Variants in MALRD1 observed in about 807,000 individuals in gnomAD.
MALRD1 encodes the protein MAM and LDL-receptor class A domain-containing protein 1.
Under a neutral mutation model 242.1 loss-of-function variants are expected in MALRD1, and 247 were observed. The observed-to-expected ratio is 1.02, with a 90% confidence interval of 0.92 to 1.13. The LOEUF is 1.13. Among genes scored for constraint, MALRD1 ranks in the 50% most tolerant of loss-of-function variants. MALRD1 has a pLI of 0.00. For synonymous variants in MALRD1, 995 were observed against 866.6 expected (o/e 1.15, Z -2.60); for missense variants, 2,989 against 2,533.1 (o/e 1.18, Z -3.86).
At chr10:19,404,596 G>A (rs748442618) in intron 28 of MALRD1, among the ~76,000 whole-genome samples, 24 of 152,006 alleles carry the variant, frequency 1.6e-4, no homozygotes, top group Non-Finnish European at 2.8e-4. Context: ...CCAGATCATT[G>A]AGTAGGAAAA....
In MALRD1 at chr10:19,280,031, A is replaced by G. The variant is rs746550966; in HGVS notation, c.3080-16A>G. ...AAAACCTGCTAAATGATGCCTGTAT[A>G]TTATTTCTTATCAAGGTAATTTGCC... On this transcript the variant is annotated splice_polypyrimidine_tract_variant and intron_variant, in intron 19 of 39. Coordinates refer to ENST00000454679, the MANE Select transcript of MALRD1 (RefSeq NM_001142308.3). The G allele has an allele frequency of 4.7e-6, 7 of 1,477,338 alleles. No homozygotes were observed. The highest frequency in any genetic ancestry group is 4.2e-5 in the South Asian group (3 of 71,426). The allele number at this position is 1,477,338 out of a possible 1,614,324, so 91.5% of individuals were successfully genotyped here.
chr10:19,672,428 T>TTA (rs1158776758), intron 36 of MALRD1, among the ~76,000 whole-genome samples: 1 of 150,170 alleles, frequency 6.7e-6, no homozygotes, highest in African/African-American at 2.5e-5. Context: ...TTTTTTTTTT[T>TTA]TGTATTTTGT....
intron 29 of MALRD1, among the ~76,000 whole-genome samples, chr10:19,473,906 C>A (rs529572539): frequency 2.2e-4 from 33 of 152,096 alleles, no homozygotes; most frequent in Non-Finnish European, 4.7e-4. Flanking sequence ...ACATTCTTTT[C>A]CATAGCAGCT....
intron 24 of MALRD1, among the ~76,000 whole-genome samples, chr10:19,332,232 A>C (rs1843409376): frequency 6.7e-6 from 1 of 150,358 alleles, no homozygotes; most frequent in Non-Finnish European, 1.5e-5. Context: ...CAATTCATGC[A>C]GGACTGGTGA....
chr10:19,237,017 T>A (rs1419877924), intron 18 of MALRD1, among the ~76,000 whole-genome samples: 3 of 152,066 alleles, frequency 2.0e-5, no homozygotes, highest in East Asian at 3.9e-4. Context: ...TTTCACATTG[T>A]AATTATATAG....
intron 36 of MALRD1, among the ~76,000 whole-genome samples, chr10:19,686,114 A>G (rs183835233): frequency 6.4e-4 from 98 of 152,312 alleles, no homozygotes; most frequent in African/African-American, 2.3e-3. Flanking sequence ...GACAGAGGAA[A>G]GACACAGGCA....
At chr10:19,407,125 G>T (rs1340919873) in intron 28 of MALRD1, among the ~76,000 whole-genome samples, 2 of 151,966 alleles carry the variant, frequency 1.3e-5, no homozygotes, top group East Asian at 1.9e-4. Context: ...CAAATCCCAA[G>T]ATTTAAGCCT....
chr10:19,665,344 G>C (rs750217704), intron 36 of MALRD1, among the ~76,000 whole-genome samples: 1 of 152,144 alleles, frequency 6.6e-6, no homozygotes, highest in Non-Finnish European at 1.5e-5. Context: ...ATGAGGGCTA[G>C]CTAATAAAGT....
Position 19,226,506 on chromosome 10 carries a change from A to T in MALRD1, c.2991+16826A>T, listed in dbSNP as rs563768696. ...GGAAATATATACCAAGTTCATTGATAAGTGTTTAATACTTATGAGATGATA... is the reference window on the plus strand; with the variant it reads ...GGAAATATATACCAAGTTCATTGATTAGTGTTTAATACTTATGAGATGATA... On this transcript the variant is annotated intron_variant, in intron 18 of 39. Coordinates refer to ENST00000454679, the MANE Select transcript of MALRD1 (RefSeq NM_001142308.3). 5.9e-5 allele frequency among the ~76,000 whole-genome samples: 9 copies of T among 152,238 alleles called. No homozygotes were observed. The East Asian group carries it at 1.2e-3, about 20-fold the overall frequency.
intron 8 of MALRD1, among the ~76,000 whole-genome samples, chr10:19,130,964 ATGATCTAG>A (rs1833077133): frequency 6.6e-6 from 1 of 152,186 alleles, no homozygotes; most frequent in Admixed American, 6.5e-5. Flanking sequence ...TCATAGGGAA[ATGATCTAG>A]TGTATTAACC....
chr10:19,106,053 T>C (rs1836450820), intron 5 of MALRD1, among the ~76,000 whole-genome samples: 1 of 151,922 alleles, frequency 6.6e-6, no homozygotes, highest in Non-Finnish European at 1.5e-5. Flanking sequence ...TGGTTTTATT[T>C]GTTTATTTAT....
chr10:19,331,659 A>G, intron 24 of MALRD1, 77 bp downstream of exon 24: 2 of 1,192,832 alleles, frequency 1.7e-6, no homozygotes, highest in Middle Eastern at 4.8e-4. Flanking sequence ...TTTATTGTTG[A>G]AACATGCAGA....
At chr10:19,284,308 C>T (rs532960829) in intron 21 of MALRD1, among the ~76,000 whole-genome samples, 56 of 150,164 alleles carry the variant, frequency 3.7e-4, no homozygotes, top group Non-Finnish European at 3.5e-4. Context: ...TGTGCAGGTT[C>T]GTTACATATG....
intron 19 of MALRD1, among the ~76,000 whole-genome samples, chr10:19,278,285 A>T (rs1386966509): frequency 6.6e-6 from 1 of 152,212 alleles, no homozygotes; most frequent in Non-Finnish European, 1.5e-5. Context: ...ACCTGGCAAG[A>T]TGAGCTCATC....
chr10:19,212,944 T>G (rs1837139785), intron 18 of MALRD1, among the ~76,000 whole-genome samples: 1 of 152,120 alleles, frequency 6.6e-6, no homozygotes, highest in African/African-American at 2.4e-5. Flanking sequence ...TGTTTTTCAT[T>G]ATTAAATTTT....
rs111334010 is a variant in MALRD1 at position 19,210,195 on chromosome 10, C to A, written c.2991+515C>A. Among the ~76,000 whole-genome samples the A allele has an allele frequency of 3.8e-3, 583 of 152,284 alleles. 4 individuals carry two copies. The highest frequency in any genetic ancestry group is 0.013 in the African/African-American group (533 of 41,562). On this transcript the variant is annotated intron_variant, in intron 18 of 39. Coordinates refer to ENST00000454679, the MANE Select transcript of MALRD1 (RefSeq NM_001142308.3). ...TACTTCAGATTTCACCTGCTGTTTTCTAAAAGTCAGTCTTATTCTAGCAAG... is the reference window on the plus strand; with the variant it reads ...TACTTCAGATTTCACCTGCTGTTTTATAAAAGTCAGTCTTATTCTAGCAAG...
At chr10:19,072,615 T>C (rs1322446349) in intron 2 of MALRD1, among the ~76,000 whole-genome samples, 1 of 152,094 alleles carries the variant, frequency 6.6e-6, no homozygotes, top group Non-Finnish European at 1.5e-5. Context: ...TGGACATAAA[T>C]GAATAAAGAA....
At chr10:19,619,178 C>A (rs568696449) in intron 36 of MALRD1, among the ~76,000 whole-genome samples, 1 of 150,972 alleles carries the variant, frequency 6.6e-6, no homozygotes, top group East Asian at 1.9e-4. Context: ...ATAAACTGAT[C>A]CTTCTGTCTA....
At chr10:19,242,701 GT>G (rs993819274) in intron 18 of MALRD1, among the ~76,000 whole-genome samples, 36 of 151,904 alleles carry the variant, frequency 2.4e-4, no homozygotes, top group South Asian at 4.1e-4. Context: ...TTTTTATATA[GT>G]TTTTTTATTT....
Sources: allele counts gnomAD v4.1 joint callset (sites outside exome capture counted in the v4.1 genomes callset), GRCh38; gene constraint gnomAD v4.1.1; transcripts MANE v1.5; gene names NCBI Gene and HGNC (gene_info 2026-07-23, HGNC 2026-07-21).